SLC9C1: variants seen among roughly 807,000 people sequenced by gnomAD.
The protein encoded by SLC9C1 is solute carrier family 9 member C1, also known as sodium/hydrogen exchanger 10.
In SLC9C1, 97 loss-of-function variants were observed where a neutral mutation model predicts 140.9. The ratio of observed to expected loss-of-function variants is 0.69; its 90% CI spans 0.58 to 0.82. SLC9C1 has a LOEUF of 0.82. Among genes scored for constraint, SLC9C1 ranks in the 40% least tolerant of loss-of-function variants. SLC9C1 has a pLI of 0.00. For missense variants in SLC9C1, 1,340 were observed against 1,389.3 expected, an observed-to-expected ratio of 0.96 and a Z score of 0.56; for synonymous variants, 440 against 442.6, an observed-to-expected ratio of 0.99 and a Z score of 0.07.
At chr3:112,218,353 G>A (rs2078444923) in intron 14 of SLC9C1, among the ~76,000 whole-genome samples, 1 of 151,972 alleles carries the variant, frequency 6.6e-6, no homozygotes, top group African/African-American at 2.4e-5. Flanking sequence ...TTATAATGTG[G>A]CTTAATGGAA....
chr3:112,251,160 G>A lies in SLC9C1; in HGVS notation c.1198-7084C>T, dbSNP rs550560627. On this transcript the variant is annotated intron_variant, in intron 10 of 28. Transcript: ENST00000305815. ...AATAGAAGGGGTGAGTAAATACAGT[G>A]TTTTCAGCTGAAACATCCAGGTACA... Among the ~76,000 whole-genome samples, 15 of 152,186 alleles carry A rather than the reference G, an allele frequency of 9.9e-5. No individual in the cohort carries two copies. The South Asian group carries it at 2.3e-3, about 23-fold the overall frequency.
intron 20 of SLC9C1, chr3:112,185,621 C>G: frequency 6.3e-7 from 1 of 1,585,374 alleles, no homozygotes; most frequent in Non-Finnish European, 8.6e-7. Flanking sequence ...TCCCAAGGGG[C>G]AGGCTCCTGA....
At chr3:112,203,670 T>C (rs1022810718) in intron 17 of SLC9C1, among the ~76,000 whole-genome samples, 3 of 151,980 alleles carry the variant, frequency 2.0e-5, no homozygotes, top group South Asian at 4.1e-4. Flanking sequence ...TATATACTTA[T>C]TTGTGGAGGA....
At position 112,195,952 on chromosome 3, in the gene SLC9C1, A is replaced by G. The variant is rs192544257; in HGVS notation, c.2523+3369T>C. On this transcript the variant is annotated intron_variant, in intron 20 of 28. Transcript: ENST00000305815. ...AGTTACACATCATGATTACAATAAT[A>G]CTAGCTTTTATAATTCCCTATGTAT... Among the ~76,000 whole-genome samples, 8 of 152,276 alleles carry G rather than the reference A, an allele frequency of 5.3e-5. No individual in the cohort carries two copies. The East Asian group carries it at 1.3e-3, about 26-fold the overall frequency.
intron 10 of SLC9C1, among the ~76,000 whole-genome samples, chr3:112,250,651 A>AATCGCTATC (rs2079429485): frequency 6.6e-6 from 1 of 152,178 alleles, no homozygotes. Context: ...AACATGTGAA[A>AATCGCTATC]ATCGCTATCA....
Position 112,179,683 on chromosome 3 carries a change from C to G in SLC9C1, c.2767G>C (p.Gly923Arg). Reference sequence around the variant, plus strand: ...TCCACCATTTGATCAATCCCTAAACCTGGCTTTGATTTTTCAAGCTGTTCA... The same window carrying G: ...TCCACCATTTGATCAATCCCTAAACGTGGCTTTGATTTTTCAAGCTGTTCA... ...GMVKLEKSKP[G>R]LGIDQMVESK... The change falls in exon 23 of 29, where the codon GGT (glycine) becomes CGT (arginine). Residue 923 changes from glycine to arginine, a missense_variant. Coordinates refer to ENST00000305815, the MANE Select transcript of SLC9C1 (RefSeq NM_183061.3). 1 of 1,602,198 alleles carries G rather than the reference C, an allele frequency of 6.2e-7. No homozygotes were observed. Among genetic ancestry groups the G allele is most frequent in the African/African-American group, 1.3e-5 (1 of 74,572 alleles).
At chr3:112,142,050 AC>A in intron 28 of SLC9C1, among the ~76,000 whole-genome samples, 1 of 152,192 alleles carries the variant, frequency 6.6e-6, no homozygotes, top group Non-Finnish European at 1.5e-5. Flanking sequence ...GACGTTTTGT[AC>A]ACATTTACTG....
chr3:112,265,629 A>G (rs2079897932), intron 8 of SLC9C1, among the ~76,000 whole-genome samples: 1 of 152,126 alleles, frequency 6.6e-6, no homozygotes, highest in African/African-American at 2.4e-5. Flanking sequence ...AGCATTATGG[A>G]AAGTGCTCTT....
At chr3:112,284,454 C>T (rs1487820403) in intron 2 of SLC9C1, among the ~76,000 whole-genome samples, 1 of 152,106 alleles carries the variant, frequency 6.6e-6, no homozygotes, top group Non-Finnish European at 1.5e-5. Context: ...TTTCAGAAGT[C>T]GGCATGAATT....
chr3:112,271,009 G>T (rs1271202857), intron 6 of SLC9C1, among the ~76,000 whole-genome samples: 1 of 152,104 alleles, frequency 6.6e-6, no homozygotes, highest in Non-Finnish European at 1.5e-5. Flanking sequence ...AGGAAGTCTT[G>T]TTATTTACAA....
At chr3:112,196,575 A>C (rs1282114210) in intron 20 of SLC9C1, among the ~76,000 whole-genome samples, 2 of 152,028 alleles carry the variant, frequency 1.3e-5, no homozygotes, top group Non-Finnish European at 2.9e-5. Context: ...AATTCTTTTT[A>C]TCTTTCTGTT....
chr3:112,249,860 A>C (rs2079399949), intron 10 of SLC9C1, among the ~76,000 whole-genome samples: 1 of 151,764 alleles, frequency 6.6e-6, no homozygotes, highest in Admixed American at 6.6e-5. Flanking sequence ...GCAACCTATC[A>C]ATCTTATTTA....
intron 6 of SLC9C1, among the ~76,000 whole-genome samples, chr3:112,272,441 C>T (rs1220058123): frequency 6.6e-6 from 1 of 151,990 alleles, no homozygotes; most frequent in Admixed American, 6.6e-5. Context: ...AAAATATGTG[C>T]TAACTTCACA....
At chr3:112,147,953 G>T (rs533419045) in intron 28 of SLC9C1, among the ~76,000 whole-genome samples, 218 of 152,226 alleles carry the variant, frequency 1.4e-3, no homozygotes, top group East Asian at 9.6e-4. Context: ...CAAAGACTTT[G>T]CTCATTTTTA....
chr3:112,158,948 T>TA (rs1219083937), intron 26 of SLC9C1, among the ~76,000 whole-genome samples: 5 of 151,632 alleles, frequency 3.3e-5, no homozygotes, highest in Middle Eastern at 3.4e-3. Context: ...TTATCTTTTT[T>TA]AAAAAAAAAT....
At chr3:112,285,231 C>T (rs1052886789) in intron 2 of SLC9C1, among the ~76,000 whole-genome samples, 14 of 151,814 alleles carry the variant, frequency 9.2e-5, no homozygotes, top group Admixed American at 2.6e-4. Flanking sequence ...ATATTTATAG[C>T]CAACAACAGG....
chr3:112,201,607 C>T (rs1393523944), intron 18 of SLC9C1, among the ~76,000 whole-genome samples: 1 of 151,938 alleles, frequency 6.6e-6, no homozygotes, highest in Non-Finnish European at 1.5e-5. Context: ...TAATCTGTCT[C>T]AATCTAGAAA....
At chr3:112,209,795 G>A (rs150264589) in intron 15 of SLC9C1, among the ~76,000 whole-genome samples, 119 of 152,118 alleles carry the variant, frequency 7.8e-4, no homozygotes, top group East Asian at 5.8e-3. Context: ...TAAAACTTGC[G>A]TGCTCAAAAC....
chr3:112,168,368 A>T (rs1576256691), intron 25 of SLC9C1, among the ~76,000 whole-genome samples: 1 of 39,258 alleles, frequency 2.5e-5, no homozygotes, highest in Admixed American at 2.9e-4. Flanking sequence ...CACACACACA[A>T]CTTCTTTCCT....
Sources: allele counts gnomAD v4.1 joint callset (sites outside exome capture counted in the v4.1 genomes callset), GRCh38; gene constraint gnomAD v4.1.1; transcripts MANE v1.5; gene names NCBI Gene and HGNC (gene_info 2026-07-23, HGNC 2026-07-21).